Variants in PTPRT observed in about 807,000 individuals in gnomAD.
PTPRT encodes protein tyrosine phosphatase receptor type T.
A neutral mutation model predicts 176.8 loss-of-function variants in PTPRT; 56 were observed. The ratio of observed to expected loss-of-function variants is 0.32; its 90% CI spans 0.26 to 0.40. PTPRT has a LOEUF of 0.40. Among genes scored for constraint, PTPRT ranks in the 10% least tolerant of loss-of-function variants. The pLI is 1.00. For synonymous variants in PTPRT, 783 were observed against 739.0 expected (o/e 1.06, Z -0.96); for missense variants, 1,540 against 1,908.2 (o/e 0.81, Z 3.60).
At chr20:42,754,540 C>T (rs762955246) in intron 6 of PTPRT, among the ~76,000 whole-genome samples, 5 of 152,200 alleles carry the variant, frequency 3.3e-5, no homozygotes, top group Admixed American at 6.5e-5. Context: ...GCTTTGGCCT[C>T]CCAAACTGTT....
intron 2 of PTPRT, among the ~76,000 whole-genome samples, chr20:42,884,201 C>A (rs534862866): frequency 1.3e-4 from 20 of 152,228 alleles, no homozygotes; most frequent in Middle Eastern, 3.4e-3. Context: ...TGCTAATAGG[C>A]ATGCACACCT....
At position 43,087,407 on chromosome 20, in the gene PTPRT, C is replaced by A. The variant is rs559640107; in HGVS notation, c.88+102239G>T. Among the ~76,000 whole-genome samples the A allele has an allele frequency of 1.4e-3, 202 of 141,124 alleles. 1 individual carries two copies. The highest frequency in any genetic ancestry group is 5.1e-3 in the African/African-American group (191 of 37,088). The allele number at this position is 141,124 out of a possible 152,430, so 92.6% of individuals were successfully genotyped here. A position where few individuals can be genotyped will look rare whatever the true frequency, so the allele number is the denominator to read the frequency against. ...TTTTTTTCTCCGAAACAGGGTCGCC[C>A]AGGCTGAATGCAGTGGTGTGCTCTT... On this transcript the variant is annotated intron_variant, in intron 1 of 30. Coordinates refer to ENST00000373187, the MANE Select transcript of PTPRT (RefSeq NM_007050.6).
chr20:42,554,757 C>G (rs949266857), intron 7 of PTPRT, among the ~76,000 whole-genome samples: 1 of 152,040 alleles, frequency 6.6e-6, no homozygotes, highest in Non-Finnish European at 1.5e-5. Context: ...TGGACTTAAG[C>G]TGGTCAAATT....
chr20:42,233,990 G>A (rs1419547931), intron 15 of PTPRT, among the ~76,000 whole-genome samples: 1 of 152,146 alleles, frequency 6.6e-6, no homozygotes, highest in Non-Finnish European at 1.5e-5. Context: ...ACACAGCACT[G>A]TATAAAGTGG....
At position 42,851,768 on chromosome 20, in the gene PTPRT, G is replaced by A. The variant is rs191539444; in HGVS notation, c.214+34039C>T. 2.1e-3 allele frequency among the ~76,000 whole-genome samples: 321 copies of A among 152,284 alleles called. 1 individual carries two copies. Among genetic ancestry groups the A allele is most frequent in the Non-Finnish European group, 3.5e-3 (241 of 68,026 alleles). The stretch of plus-strand genomic sequence containing the variant: ...CCGCAAGCAATACGTAAATGAATGG[G>A]TGTGGCTATGTTTCAATACATTTAA... On this transcript the variant is annotated intron_variant, in intron 2 of 30. Transcript: ENST00000373187.
At chr20:42,929,293 T>C (rs1274313287) in intron 1 of PTPRT, among the ~76,000 whole-genome samples, 1 of 152,272 alleles carries the variant, frequency 6.6e-6, no homozygotes, top group Non-Finnish European at 1.5e-5. Flanking sequence ...GTGCGTGTCA[T>C]TATCAATAAT....
chr20:42,578,869 A>G (rs1417586835), intron 7 of PTPRT, among the ~76,000 whole-genome samples: 1 of 141,202 alleles, frequency 7.1e-6, no homozygotes, highest in Non-Finnish European at 1.5e-5. Context: ...AAGCCCTTAC[A>G]ATGGCCTTTG....
intron 1 of PTPRT, among the ~76,000 whole-genome samples, chr20:43,086,421 T>A (rs779866183): frequency 1.5e-4 from 23 of 152,244 alleles, no homozygotes; most frequent in Non-Finnish European, 3.1e-4. Flanking sequence ...GCACATCATA[T>A]GCCACCGTTT....
At chr20:42,480,346 A>C (rs931810440) in intron 7 of PTPRT, among the ~76,000 whole-genome samples, 2 of 152,222 alleles carry the variant, frequency 1.3e-5, no homozygotes, top group South Asian at 4.1e-4. Flanking sequence ...GGTGAGACAG[A>C]ACAGCCACTG....
chr20:42,349,332 C>G (rs2058242729), intron 11 of PTPRT, among the ~76,000 whole-genome samples: 1 of 152,188 alleles, frequency 6.6e-6, no homozygotes, highest in African/African-American at 2.4e-5. Flanking sequence ...CATGCTGTCT[C>G]TCTCCTCCAT....
intron 7 of PTPRT, among the ~76,000 whole-genome samples, chr20:42,575,542 G>A (rs2145703770): frequency 6.6e-6 from 1 of 152,232 alleles, no homozygotes; most frequent in South Asian, 2.1e-4. Flanking sequence ...TTCCCACAGT[G>A]CTTTGCACCT....
At position 42,686,787 on chromosome 20, in the gene PTPRT, C is replaced by T. The variant is rs569967014; in HGVS notation, c.860-8628G>A. Among the ~76,000 whole-genome samples the T allele has an allele frequency of 9.2e-5, 14 of 152,256 alleles. No homozygotes were observed. The South Asian group carries it at 1.7e-3, about 18-fold the overall frequency. ...GATTACAGGCGTGAGCCACCCTGCT[C>T]AGCCCATAGTGCACTCTTTAAGGGG... On this transcript the variant is annotated intron_variant, in intron 6 of 30. Transcript: ENST00000373187.
chr20:42,126,840 T>C (rs553965429), intron 19 of PTPRT, among the ~76,000 whole-genome samples: 9 of 152,334 alleles, frequency 5.9e-5, no homozygotes, highest in African/African-American at 2.2e-4. Flanking sequence ...GGATGTATGC[T>C]CAGAGTGCCT....
At chr20:42,113,249 G>A (rs575085975) in intron 22 of PTPRT, among the ~76,000 whole-genome samples, 2 of 152,186 alleles carry the variant, frequency 1.3e-5, no homozygotes, top group Admixed American at 6.5e-5. Context: ...AATGTAACAC[G>A]AGAAAGGACC....
At chr20:42,691,822 T>C (rs2425530) in intron 6 of PTPRT, among the ~76,000 whole-genome samples, 39,514 of 152,068 alleles carry the variant, frequency 0.26, 6,816 homozygotes, top group African/African-American at 0.49. Context: ...GCTCCAAGAA[T>C]AGAATTAGTG....
At chr20:42,727,538 T>C (rs2076399239) in intron 6 of PTPRT, among the ~76,000 whole-genome samples, 1 of 152,182 alleles carries the variant, frequency 6.6e-6, no homozygotes, top group African/African-American at 2.4e-5. Context: ...GTCACTTATG[T>C]GTATGTGTGT....
chr20:42,668,735 A>T (rs1193972703), intron 7 of PTPRT, among the ~76,000 whole-genome samples: 4 of 150,716 alleles, frequency 2.7e-5, no homozygotes, highest in African/African-American at 9.8e-5. Flanking sequence ...TCTGTCGTCC[A>T]GGCTGGAGTA....
chr20:42,235,564 T>C (rs930688662), intron 15 of PTPRT, among the ~76,000 whole-genome samples: 2 of 152,120 alleles, frequency 1.3e-5, no homozygotes, highest in African/African-American at 2.4e-5. Flanking sequence ...TGGCCCTCTG[T>C]TTTATTAATA....
chr20:42,943,539 C>A (rs867997284), intron 1 of PTPRT, among the ~76,000 whole-genome samples: 7 of 152,124 alleles, frequency 4.6e-5, no homozygotes, highest in Admixed American at 4.6e-4. Flanking sequence ...CCCCTACCCC[C>A]GAGTGGCTTC....
Sources: gnomAD v4.1 joint callset for allele counts (sites outside exome capture counted in the v4.1 genomes callset) on GRCh38, gnomAD v4.1.1 for gene constraint, MANE v1.5 for transcripts, NCBI Gene and HGNC (gene_info 2026-07-23, HGNC 2026-07-21) for gene names.